FXYD6: variants seen among roughly 807,000 people sequenced by gnomAD.
FXYD6 encodes FXYD domain containing ion transport regulator 6.
Under a neutral mutation model 16.7 loss-of-function variants are expected in FXYD6, and 7 were observed. That is an observed-to-expected ratio of 0.42 (90% CI 0.24 to 0.79). The LOEUF is 0.79. Ranked by LOEUF, FXYD6 falls within the 30% of genes least tolerant of loss-of-function variation. The probability of loss-of-function intolerance (pLI) is 0.28; values close to 1 mark genes in which losing one functional copy is unlikely to be tolerated. For synonymous variants in FXYD6, 49 were observed against 43.0 expected, an observed-to-expected ratio of 1.14 and a Z score of -0.54; for missense variants, 111 against 116.2, an observed-to-expected ratio of 0.95 and a Z score of 0.21.
At chr11:117,876,031 A>C (rs890804247) in intron 1 of FXYD6, among the ~76,000 whole-genome samples, 10 of 151,728 alleles carry the variant, frequency 6.6e-5, no homozygotes, top group Non-Finnish European at 1.5e-5. Flanking sequence ...AAAATGATGC[A>C]CTCTCATGAA....
chr11:117,867,387 G>A (rs1052268036), intron 1 of FXYD6, among the ~76,000 whole-genome samples: 4 of 152,132 alleles, frequency 2.6e-5, no homozygotes, highest in Admixed American at 6.5e-5. Flanking sequence ...AGCCATGCTC[G>A]CACTTGCAGT....
chr11:117,862,568 C>T (rs558760585), intron 1 of FXYD6, among the ~76,000 whole-genome samples: 50 of 152,276 alleles, frequency 3.3e-4, no homozygotes, highest in Admixed American at 7.8e-4. Context: ...TATCCCAGAC[C>T]GAGGCCCAGC....
In FXYD6 at chr11:117,839,812, G is replaced by T; in HGVS notation, c.278C>A (p.Ala93Glu). Residue 93 changes from alanine to glutamate, a missense_variant, in exon 7 of 8, where the codon GCA (alanine) becomes GAA (glutamate). Coordinates refer to ENST00000526014, the MANE Select transcript of FXYD6 (RefSeq NM_022003.4). ...CCTGATGGCTGCACTTCAGTTCTCT[G>T]CTTTCTGGGGCTCTGTTGCTGGAAA... is the stretch of plus-strand genomic sequence containing the variant. ...ITANATEPQK[A>E]EN The T allele has an allele frequency of 1.2e-6, 2 of 1,614,182 alleles. No individual in the cohort carries two copies. The highest frequency in any genetic ancestry group is 1.7e-6 in the Non-Finnish European group (2 of 1,180,028).
intron 1 of FXYD6, among the ~76,000 whole-genome samples, chr11:117,847,050 T>C (rs1225409934): frequency 6.6e-6 from 1 of 152,232 alleles, no homozygotes; most frequent in Non-Finnish European, 1.5e-5. Flanking sequence ...TTCAATAAAG[T>C]TCCATAAATG....
At chr11:117,854,974 C>T (rs956257365) in intron 1 of FXYD6, among the ~76,000 whole-genome samples, 1 of 152,226 alleles carries the variant, frequency 6.6e-6, no homozygotes, top group African/African-American at 2.4e-5. Flanking sequence ...AGGAGACGGC[C>T]TTCATCCACC....
rs1316080547 is a variant in FXYD6 at position 117,870,386 on chromosome 11, C to T, written c.-6+6206G>A. ...GGCCAGGATGGGATCACCTCCCCCA[C>T]ACACCTGCTGACAAAGGCCCATTCA... On this transcript the variant is annotated intron_variant, in intron 1 of 7. Transcript: ENST00000526014. This position sits in a 1 kb window ranked among gnomAD's most constrained non-coding sequence, Gnocchi z 4.2. Among the ~76,000 whole-genome samples the T allele has an allele frequency of 6.6e-6, 1 of 152,226 alleles. No homozygotes were observed. The highest frequency in any genetic ancestry group is 1.5e-5 in the Non-Finnish European group (1 of 68,042).
At position 117,838,118 on chromosome 11, in the gene FXYD6, T is replaced by C. The variant is rs1420044504; in HGVS notation, c.*181A>G. 5.7e-6 allele frequency: 4 copies of C among 696,602 alleles called. No individual in the cohort carries two copies. In the Admixed American group the frequency reaches 6.0e-5, roughly 10 times the overall value. The allele number at this position is 696,602 out of a possible 1,614,324, so 43.2% of individuals were successfully genotyped here. A position where few individuals can be genotyped will look rare whatever the true frequency, so the allele number is the denominator to read the frequency against. ...GCTGCAGTGGGGAGGCAAGTGTTAGTTGCATCATCAGGTGGAGGAATGGTG... is the reference window on the plus strand; with the variant it reads ...GCTGCAGTGGGGAGGCAAGTGTTAGCTGCATCATCAGGTGGAGGAATGGTG... On this transcript the variant is annotated 3_prime_UTR_variant, in exon 8 of 8. Coordinates refer to ENST00000526014, the MANE Select transcript of FXYD6 (RefSeq NM_022003.4).
intron 1 of FXYD6, among the ~76,000 whole-genome samples, chr11:117,857,250 C>T (rs11216587): frequency 0.061 from 9,354 of 152,168 alleles, 315 homozygotes; most frequent in African/African-American, 0.086. Flanking sequence ...GGAGTAAATA[C>T]GTGATGAGAA....
rs768056016 is a variant in FXYD6 at position 117,842,701 on chromosome 11, TC to T, written c.58+17del. The stretch of plus-strand genomic sequence containing the variant: ...GGGTTGTCATCTTGTCACAGCCAGG[TC>T]CCAGAGGGGTACTTACCACTGGCCA... On this transcript the variant is annotated intron_variant, in intron 2 of 7. Transcript: ENST00000526014. The T allele has an allele frequency of 3.9e-6, 6 of 1,558,266 alleles. No homozygotes were observed. Among genetic ancestry groups the T allele is most frequent in the Non-Finnish European group, 4.3e-6 (5 of 1,150,362 alleles).
intron 1 of FXYD6, among the ~76,000 whole-genome samples, chr11:117,855,865 A>C (rs541008497): frequency 1.8e-4 from 28 of 151,752 alleles, no homozygotes; most frequent in Non-Finnish European, 3.4e-4. Context: ...TGGCTGCTTC[A>C]CTCTCTTGCT....
chr11:117,855,634 C>A (rs2134169232), intron 1 of FXYD6, among the ~76,000 whole-genome samples: 1 of 152,288 alleles, frequency 6.6e-6, no homozygotes, highest in South Asian at 2.1e-4. Flanking sequence ...GGTGAAAAAT[C>A]TCAGTTCCGG....
At chr11:117,871,013 A>G (rs942566345) in intron 1 of FXYD6, among the ~76,000 whole-genome samples, 3 of 152,186 alleles carry the variant, frequency 2.0e-5, no homozygotes, top group African/African-American at 2.4e-5. Context: ...AAGGATCTGT[A>G]GGGAATTTTT....
In FXYD6 at chr11:117,870,348, C is replaced by T. The variant is rs890905694; in HGVS notation, c.-6+6244G>A. On this transcript the variant is annotated intron_variant, in intron 1 of 7. Transcript: ENST00000526014. The surrounding 1 kb of genome is among the most constrained non-coding windows in gnomAD (Gnocchi z 4.2). ...CAGCAGGCTGCACGCCCCAGCAGGG[C>T]GTGATGGAGTCAGGCCAGGATGGGA... Among the ~76,000 whole-genome samples the T allele has an allele frequency of 3.3e-5, 5 of 152,218 alleles. No homozygotes were observed. Among genetic ancestry groups the T allele is most frequent in the Admixed American group, 6.5e-5 (1 of 15,284 alleles).
At position 117,842,035 on chromosome 11, in the gene FXYD6, A is replaced by G; in HGVS notation, c.59-7T>C. 1 of 1,614,142 alleles carries G rather than the reference A, an allele frequency of 6.2e-7. No individual in the cohort carries two copies. The highest frequency in any genetic ancestry group is 8.5e-7 in the Non-Finnish European group (1 of 1,180,016). On this transcript the variant is annotated splice_region_variant and splice_polypyrimidine_tract_variant and intron_variant, in intron 2 of 7. Coordinates refer to ENST00000526014, the MANE Select transcript of FXYD6 (RefSeq NM_022003.4). ...TCCTTCTCCTTTTCAGCTGCTGCAAAAACAAACAGTTGGTCAAGAGAAAGA... is the reference window on the plus strand; with the variant it reads ...TCCTTCTCCTTTTCAGCTGCTGCAAGAACAAACAGTTGGTCAAGAGAAAGA...
At chr11:117,843,329 G>A (rs1030663787) in intron 1 of FXYD6, among the ~76,000 whole-genome samples, 8 of 152,170 alleles carry the variant, frequency 5.3e-5, no homozygotes, top group African/African-American at 1.4e-4. Flanking sequence ...AACGCAGGCC[G>A]AGAACCTGAA....
rs2056351142 is a variant in FXYD6 at position 117,841,794 on chromosome 11, G to A, written c.169C>T (p.Leu57=). The A allele has an allele frequency of 6.2e-7, 1 of 1,613,802 alleles. No individual in the cohort carries two copies. Among genetic ancestry groups the A allele is most frequent in the Non-Finnish European group, 8.5e-7 (1 of 1,180,008 alleles). Residue 57 remains leucine (L), a synonymous_variant, in exon 4 of 8, where the codon CTA becomes TTA. Transcript: ENST00000526014. ...GTGAGCAAAAGAACAAACTTACTTA[G>A]GATAAGGAGGATCCCAACCGAGAAG... ...VLFSVGILLI[L]SRRCKCSFNQ...
chr11:117,859,104 G>A (rs1243273100), intron 1 of FXYD6, among the ~76,000 whole-genome samples: 1 of 144,590 alleles, frequency 6.9e-6, no homozygotes, highest in African/African-American at 2.4e-5. Context: ...ACCCCTTCTG[G>A]GAGGCTGCTC....
chr11:117,842,120 A>G, intron 2 of FXYD6, 92 bp from the exon 3 acceptor site: 3 of 1,583,474 alleles, frequency 1.9e-6, no homozygotes, highest in East Asian at 2.2e-5. Context: ...AGTCTCCACA[A>G]AGGAATTCCA....
At chr11:117,839,483 A>C in intron 7 of FXYD6, 1 of 417,616 alleles carries the variant, frequency 2.4e-6, no homozygotes, top group Admixed American at 3.8e-5. Context: ...GCATTTCACT[A>C]ACTCTAATTC....
Sources: allele counts gnomAD v4.1 joint callset (sites outside exome capture counted in the v4.1 genomes callset), GRCh38; gene constraint gnomAD v4.1.1; non-coding constraint Gnocchi (gnomAD v3.1); transcripts MANE v1.5; gene names NCBI Gene and HGNC (gene_info 2026-07-23, HGNC 2026-07-21).